Variants in SLCO1B3 observed in about 807,000 individuals in gnomAD.
The protein encoded by SLCO1B3 is liver-specific organic anion transporter 2.
Under a neutral mutation model 71.8 loss-of-function variants are expected in SLCO1B3, and 72 were observed. That is an observed-to-expected ratio of 1.00 (90% CI 0.83 to 1.22). The LOEUF (loss-of-function observed/expected upper bound fraction) is 1.22. SLCO1B3 is among the 50% of genes most tolerant of loss of function. The pLI is 0.00. For synonymous variants in SLCO1B3, 298 were observed against 278.4 expected (o/e 1.07, Z -0.70); for missense variants, 911 against 819.7 (o/e 1.11, Z -1.36).
At chr12:20,826,229 A>AT (rs1413247633) in intron 3 of SLCO1B3, among the ~76,000 whole-genome samples, 43 of 51,548 alleles carry the variant, frequency 8.3e-4, no homozygotes, top group Non-Finnish European at 1.6e-3. Flanking sequence ...TTAAGGTAAA[A>AT]CTTTTTTTTT....
intron 3 of SLCO1B3, among the ~76,000 whole-genome samples, chr12:20,852,827 T>G (rs1272014529): frequency 1.3e-5 from 2 of 152,174 alleles, no homozygotes; most frequent in Non-Finnish European, 2.9e-5. Flanking sequence ...TAAATTTTTT[T>G]TGGTAGAATC....
intron 9 of SLCO1B3, among the ~76,000 whole-genome samples, chr12:20,876,147 G>A (rs1265524805): frequency 6.6e-6 from 1 of 151,446 alleles, no homozygotes; most frequent in Non-Finnish European, 1.5e-5. Flanking sequence ...GAAGTGAAAA[G>A]CAACATCAGT....
intron 8 of SLCO1B3, among the ~76,000 whole-genome samples, chr12:20,863,268 A>T (rs1256275951): frequency 6.6e-6 from 1 of 152,032 alleles, no homozygotes; most frequent in Non-Finnish European, 1.5e-5. Flanking sequence ...GGGGTGGGTT[A>T]AGAGAGGCCA....
intron 3 of SLCO1B3, among the ~76,000 whole-genome samples, chr12:20,842,131 TGATCCACCTGCC>T (rs1218582790): frequency 3.3e-5 from 5 of 152,168 alleles, no homozygotes; most frequent in African/African-American, 1.2e-4. Context: ...CCTGACCTCG[TGATCCACCTGCC>T]TTGGCCTCAC....
intron 15 of SLCO1B3, among the ~76,000 whole-genome samples, chr12:20,905,589 A>G (rs534877886): frequency 6.6e-6 from 1 of 152,284 alleles, no homozygotes; most frequent in Non-Finnish European, 1.5e-5. Context: ...TCAAGTTGAA[A>G]GTTCCACAGA....
intron 13 of SLCO1B3, among the ~76,000 whole-genome samples, chr12:20,888,586 C>T (rs1208222752): frequency 2.6e-5 from 4 of 151,872 alleles, no homozygotes; most frequent in African/African-American, 9.7e-5. Context: ...AAGAGGCTTT[C>T]AGAGGAGTTT....
chr12:20,813,432 G>A (rs1024740767), intron 1 of SLCO1B3, 92 bp from the exon 2 acceptor site: 2 of 152,196 alleles, frequency 1.3e-5, no homozygotes, highest in African/African-American at 2.4e-5. Flanking sequence ...TCTGTTTCCA[G>A]TTGAAGTGGA....
chr12:20,868,681 C>T (rs1014777236), intron 8 of SLCO1B3, among the ~76,000 whole-genome samples: 15 of 151,442 alleles, frequency 9.9e-5, no homozygotes, highest in African/African-American at 3.6e-4. Context: ...AAGAAAAGAC[C>T]CCTGGGCCTG....
chr12:20,909,165 CTTTTTT>C (rs1006708034), intron 15 of SLCO1B3, among the ~76,000 whole-genome samples: 1 of 123,864 alleles, frequency 8.1e-6, no homozygotes, highest in African/African-American at 3.0e-5. Context: ...GCATCTTTTT[CTTTTTT>C]TTTTTTTTTT....
At chr12:20,852,291 A>G (rs1190394881) in intron 3 of SLCO1B3, among the ~76,000 whole-genome samples, 1 of 152,158 alleles carries the variant, frequency 6.6e-6, no homozygotes, top group Non-Finnish European at 1.5e-5. Flanking sequence ...CTCTAGTCCA[A>G]GCAACACAGC....
At chr12:20,866,250 T>G (rs1346651800) in intron 8 of SLCO1B3, among the ~76,000 whole-genome samples, 1 of 152,026 alleles carries the variant, frequency 6.6e-6, no homozygotes, top group Non-Finnish European at 1.5e-5. Context: ...GGCCACTGTT[T>G]CAATATAAAT....
At chr12:20,827,675 G>T (rs932281276) in intron 3 of SLCO1B3, among the ~76,000 whole-genome samples, 2 of 151,946 alleles carry the variant, frequency 1.3e-5, no homozygotes, top group African/African-American at 4.8e-5. Context: ...GGGTTCAAGC[G>T]ATTCTTCTGC....
chr12:20,858,517 T>G lies in SLCO1B3; in HGVS notation c.305T>G (p.Leu102Arg). ...HRPKLIGIGC[L>R]LMGTGSILTS... ...CCGAAGTTAATTGGAATTGGTTGTC[T>G]CCTTATGGGAACTGGAAGTATTTTG... is the stretch of plus-strand genomic sequence containing the variant. Residue 102 changes from leucine (L) to arginine (R), a missense_variant, in exon 5 of 16, where the codon CTC becomes CGC. Transcript: ENST00000381545. 1 of 1,601,558 alleles carries G rather than the reference T, an allele frequency of 6.2e-7. No individual in the cohort carries two copies. Among genetic ancestry groups the G allele is most frequent in the Non-Finnish European group, 8.6e-7 (1 of 1,168,594 alleles).
At chr12:20,893,368 C>T (rs1443179829) in intron 13 of SLCO1B3, among the ~76,000 whole-genome samples, 4 of 152,140 alleles carry the variant, frequency 2.6e-5, no homozygotes. Flanking sequence ...TGAAAATTGT[C>T]AAGAAATGAT....
At chr12:20,876,503 G>C (rs1379985391) in intron 9 of SLCO1B3, among the ~76,000 whole-genome samples, 1 of 151,826 alleles carries the variant, frequency 6.6e-6, no homozygotes, top group Non-Finnish European at 1.5e-5. Flanking sequence ...TTTTGTTGTT[G>C]TTATTTTCTC....
rs1430053120 is a variant in SLCO1B3, at chr12:20,877,392, T to TTAGA, written c.971-379_971-376dup. On this transcript the variant is annotated intron_variant, in intron 9 of 15. Transcript: ENST00000381545. ...CTTGAGTAGAACTAAGACTAATTGA[T>TTAGA]TAGAAAGCAAAGAAAATTCCAGTTC... is the stretch of plus-strand genomic sequence containing the variant. 2.0e-5 allele frequency among the ~76,000 whole-genome samples: 3 copies of TTAGA among 152,102 alleles called. No individual in the cohort carries two copies. In the East Asian group the frequency reaches 5.8e-4, roughly 29 times the overall value.
At chr12:20,845,167 A>T in intron 3 of SLCO1B3, 3 of 467,468 alleles carry the variant, frequency 6.4e-6, no homozygotes, top group East Asian at 6.0e-5. Flanking sequence ...GCTGATTGTG[A>T]CCCTATGTAC....
At chr12:20,836,284 G>A (rs768577975) in intron 3 of SLCO1B3, among the ~76,000 whole-genome samples, 1 of 152,128 alleles carries the variant, frequency 6.6e-6, no homozygotes, top group Non-Finnish European at 1.5e-5. Flanking sequence ...AAGTTTATGT[G>A]ATAGATTACA....
At chr12:20,893,545 C>G (rs1462590178) in intron 13 of SLCO1B3, among the ~76,000 whole-genome samples, 2 of 152,072 alleles carry the variant, frequency 1.3e-5, no homozygotes, top group Non-Finnish European at 2.9e-5. Flanking sequence ...ATTTCAGGCC[C>G]ATTGATGTGG....
Sources: allele counts gnomAD v4.1 joint callset (sites outside exome capture counted in the v4.1 genomes callset), GRCh38; gene constraint gnomAD v4.1.1; transcripts MANE v1.5; gene names NCBI Gene and HGNC (gene_info 2026-07-23, HGNC 2026-07-21).